Variants in DOCK11 observed in about 807,000 individuals in gnomAD.
DOCK11 encodes the protein dedicator of cytokinesis protein 11.
A neutral mutation model predicts 169.1 loss-of-function variants in DOCK11; 70 were observed. The observed-to-expected ratio is 0.41, with a 90% CI of 0.34 to 0.51. The LOEUF (loss-of-function observed/expected upper bound fraction) is 0.51, where lower values mean the gene tolerates loss of function less well. Ranked by LOEUF, DOCK11 falls within the 20% of genes least tolerant of loss-of-function variation. The pLI is 0.10. For missense variants in DOCK11, 1,166 were observed against 1,538.8 expected (o/e 0.76, Z 4.05); for synonymous variants, 529 against 541.3 (o/e 0.98, Z 0.32).
At chrX:118,647,568 A>C (rs1218630620) in intron 40 of DOCK11, among the ~76,000 whole-genome samples, 1 of 66,867 alleles carries the variant, frequency 1.5e-5, no homozygotes, top group East Asian at 4.1e-4. Context: ...TATTAATATA[A>C]TATATTAACA....
intron 19 of DOCK11, among the ~76,000 whole-genome samples, chrX:118,591,517 A>G (rs1388233686): frequency 3.6e-5 from 4 of 110,044 alleles, no homozygotes; most frequent in African/African-American, 1.3e-4. Flanking sequence ...TTGATCATGT[A>G]GTAAGTAACC....
chrX:118,678,044 G>A (rs1204016302), intron 48 of DOCK11, among the ~76,000 whole-genome samples: 1 of 112,159 alleles, frequency 8.9e-6, no homozygotes, highest in African/African-American at 3.2e-5. Context: ...TTCCCCACAG[G>A]CAACAGACAT....
chrX:118,671,650 T>G (rs1040436708), intron 46 of DOCK11, among the ~76,000 whole-genome samples: 1 of 111,798 alleles, frequency 8.9e-6, no homozygotes, highest in Non-Finnish European at 1.9e-5. Context: ...AAAATAGAAA[T>G]TGAGATTTAA....
At chrX:118,565,481 G>A (rs2013051800) in intron 7 of DOCK11, among the ~76,000 whole-genome samples, 1 of 111,875 alleles carries the variant, frequency 8.9e-6, no homozygotes. Context: ...AAACACTGTG[G>A]TCTTCTTTTA....
At chrX:118,555,295 C>T (rs1458556756) in intron 6 of DOCK11, among the ~76,000 whole-genome samples, 1 of 111,330 alleles carries the variant, frequency 9.0e-6, no homozygotes, top group East Asian at 2.8e-4. Flanking sequence ...TGGCTCATGC[C>T]TGTAATGCCA....
chrX:118,648,899 T>C (rs1005838805), intron 40 of DOCK11, 46 bp from the exon 41 acceptor site: 2 of 1,096,822 alleles, frequency 1.8e-6, no homozygotes, highest in African/African-American at 1.9e-5. Context: ...CTATTGATTT[T>C]ATGATTGGAT....
chrX:118,581,110 T>G (rs951144450), intron 14 of DOCK11, among the ~76,000 whole-genome samples: 1 of 112,288 alleles, frequency 8.9e-6, no homozygotes, highest in African/African-American at 3.2e-5. Context: ...CTGGCTTGTT[T>G]GTGGTACAGC....
chrX:118,659,357 A>T (rs1427951429), intron 44 of DOCK11, among the ~76,000 whole-genome samples: 1 of 111,389 alleles, frequency 9.0e-6, no homozygotes, highest in Non-Finnish European at 1.9e-5. Context: ...CTGATAGCAG[A>T]CTCTCCAGGA....
chrX:118,564,517 A>G (rs955513808), intron 7 of DOCK11, among the ~76,000 whole-genome samples: 1 of 111,583 alleles, frequency 9.0e-6, no homozygotes, highest in Non-Finnish European at 1.9e-5. Context: ...GAGGAGACTT[A>G]TTTTCCTTGT....
At chrX:118,543,130 T>G (rs181185115) in intron 3 of DOCK11, 115 bp downstream of exon 3, 1 of 557,716 alleles carries the variant, frequency 1.8e-6, no homozygotes, top group East Asian at 3.7e-5. Flanking sequence ...GTAAAATATT[T>G]AAAGTAGTCT....
intron 32 of DOCK11, among the ~76,000 whole-genome samples, chrX:118,626,738 C>T (rs1408601708): frequency 8.9e-6 from 1 of 112,291 alleles, no homozygotes; most frequent in Non-Finnish European, 1.9e-5. Context: ...GGATACTACA[C>T]CTACCTGAGT....
intron 1 of DOCK11, among the ~76,000 whole-genome samples, chrX:118,535,412 G>A (rs2011718859): frequency 8.9e-6 from 1 of 111,939 alleles, no homozygotes; most frequent in Non-Finnish European, 1.9e-5. Context: ...GCTTAACCGA[G>A]TATACAGCAA....
intron 38 of DOCK11, among the ~76,000 whole-genome samples, chrX:118,640,054 A>G (rs778644498): frequency 8.9e-6 from 1 of 112,245 alleles, no homozygotes; most frequent in African/African-American, 3.2e-5. Context: ...TGGTCATTTA[A>G]TGATTAGGGA....
chrX:118,518,171 A>T (rs570649626), intron 1 of DOCK11, among the ~76,000 whole-genome samples: 17 of 112,140 alleles, frequency 1.5e-4, no homozygotes, highest in Middle Eastern at 4.6e-3. Context: ...TATACTTCTC[A>T]TGGATTTAAA....
At chrX:118,659,367 A>G (rs996321905) in intron 44 of DOCK11, among the ~76,000 whole-genome samples, 1 of 112,050 alleles carries the variant, frequency 8.9e-6, no homozygotes. Context: ...ACTCTCCAGG[A>G]CCACCTTCTA....
Position 118,567,342 on chromosome X carries a change from CT to C in DOCK11, c.951+699del, listed in dbSNP as rs1224774678. On this transcript the variant is annotated intron_variant, in intron 9 of 52. Coordinates refer to ENST00000276202, the MANE Select transcript of DOCK11 (RefSeq NM_144658.4). ...ATTAGTTACACAAATTTGGAAGCTC[CT>C]TTTTTTTTTCTATTTTAAATTTACC... Among the ~76,000 whole-genome samples, 377 of 105,105 alleles carry C rather than the reference CT, an allele frequency of 3.6e-3. 3 individuals carry two copies. The highest frequency in any genetic ancestry group is 0.011 in the African/African-American group (326 of 29,036). 91.3% of individuals were successfully genotyped at this position (105,105 alleles called of 115,157 possible). A position where few individuals can be genotyped will look rare whatever the true frequency, so the allele number is the denominator to read the frequency against.
chrX:118,682,952 T>A (rs1039887041), intron 51 of DOCK11, 127 bp from the exon 52 acceptor site: 7 of 611,052 alleles, frequency 1.1e-5, no homozygotes, highest in Non-Finnish European at 1.8e-5. Flanking sequence ...AAATGCACAG[T>A]GAGAAAATAG....
chrX:118,496,182 CTT>C (rs2057535445), intron 1 of DOCK11, 109 bp downstream of exon 1: 4 of 523,606 alleles, frequency 7.6e-6, no homozygotes, highest in Middle Eastern at 8.1e-4. Flanking sequence ...CGCGCGCTGT[CTT>C]TCTCCGCTCC....
rs973499158 is a variant in DOCK11, at chrX:118,601,282, G to C, written c.2562+2054G>C. Reference sequence around the variant, plus strand: ...TATAAAAAAATACAAAAATTAGCCGGGCATAGTGGCACACACCTGTAATCT... The same window carrying C: ...TATAAAAAAATACAAAAATTAGCCGCGCATAGTGGCACACACCTGTAATCT... On this transcript the variant is annotated intron_variant, in intron 23 of 52. Transcript: ENST00000276202. Among the ~76,000 whole-genome samples the C allele has an allele frequency of 1.0e-4, 11 of 109,075 alleles. No homozygotes were observed. In the East Asian group the frequency reaches 2.6e-3, roughly 26 times the overall value. The allele number at this position is 109,075 out of a possible 115,157, so 94.7% of individuals were successfully genotyped here.
Sources: allele counts gnomAD v4.1 joint callset (sites outside exome capture counted in the v4.1 genomes callset), GRCh38; gene constraint gnomAD v4.1.1; transcripts MANE v1.5; gene names NCBI Gene and HGNC (gene_info 2026-07-23, HGNC 2026-07-21).